PPP1R9A: variants seen among roughly 807,000 people sequenced by gnomAD.
The protein encoded by PPP1R9A is neurabin-1.
In PPP1R9A, 59 loss-of-function variants were observed where a neutral mutation model predicts 141.9. The observed-to-expected ratio is 0.42, with a 90% confidence interval of 0.34 to 0.52. PPP1R9A has a LOEUF of 0.52. Among genes scored for constraint, PPP1R9A ranks in the 20% least tolerant of loss-of-function variants. The pLI, the probability that PPP1R9A is intolerant of heterozygous loss-of-function variation, is 0.10. For missense variants in PPP1R9A, 1,444 were observed against 1,611.9 expected (o/e 0.90, Z 1.78); for synonymous variants, 500 against 569.7 (o/e 0.88, Z 1.74).
At chr7:95,181,102 T>C (rs899985026) in intron 5 of PPP1R9A, among the ~76,000 whole-genome samples, 2 of 150,428 alleles carry the variant, frequency 1.3e-5, no homozygotes, top group African/African-American at 4.9e-5. Context: ...AGTTCACAAC[T>C]GCAACATCAT....
At chr7:95,284,634 A>G (rs1282347660) in intron 17 of PPP1R9A, among the ~76,000 whole-genome samples, 1 of 152,222 alleles carries the variant, frequency 6.6e-6, no homozygotes, top group African/African-American at 2.4e-5. Flanking sequence ...TTTGGGACTG[A>G]ATACGAGTTC....
At chr7:95,182,501 A>G (rs1477070796) in intron 5 of PPP1R9A, among the ~76,000 whole-genome samples, 1 of 152,136 alleles carries the variant, frequency 6.6e-6, no homozygotes, top group Non-Finnish European at 1.5e-5. Context: ...AAACCTCAAA[A>G]TGTTTTTACT....
intron 2 of PPP1R9A, among the ~76,000 whole-genome samples, chr7:94,929,168 C>T (rs1165180305): frequency 6.6e-6 from 1 of 152,202 alleles, no homozygotes; most frequent in Non-Finnish European, 1.5e-5. Context: ...TCTAAGAGAG[C>T]ATCTTTTTGT....
chr7:95,172,169 G>A (rs1832215063), intron 5 of PPP1R9A, among the ~76,000 whole-genome samples: 1 of 151,570 alleles, frequency 6.6e-6, no homozygotes, highest in Admixed American at 6.6e-5. Flanking sequence ...AAGACCTAAT[G>A]CTTTTCTCTT....
chr7:94,966,337 G>C (rs971644129), intron 2 of PPP1R9A, among the ~76,000 whole-genome samples: 5 of 152,032 alleles, frequency 3.3e-5, no homozygotes, highest in Admixed American at 2.0e-4. Context: ...GCCCTGGCCA[G>C]AACTTCCAAT....
intron 2 of PPP1R9A, among the ~76,000 whole-genome samples, chr7:95,106,008 A>G (rs2152422287): frequency 6.6e-6 from 1 of 152,290 alleles, no homozygotes; most frequent in East Asian, 1.9e-4. Context: ...TAATCCCAGT[A>G]CTTTGGGAGA....
chr7:95,111,212 G>A (rs528438096), intron 2 of PPP1R9A, 47 bp from the exon 3 acceptor site: 13 of 1,253,826 alleles, frequency 1.0e-5, no homozygotes, highest in African/African-American at 1.6e-5. Flanking sequence ...TACCTGGCAG[G>A]TTTTTTTTTT....
intron 5 of PPP1R9A, among the ~76,000 whole-genome samples, chr7:95,168,772 T>TA (rs2152741809): frequency 6.6e-6 from 1 of 152,064 alleles, no homozygotes; most frequent in Admixed American, 6.6e-5. Context: ...AAATGACTGA[T>TA]ATATGTGAAG....
At chr7:95,102,013 A>G (rs1422811896) in intron 2 of PPP1R9A, among the ~76,000 whole-genome samples, 1 of 152,120 alleles carries the variant, frequency 6.6e-6, no homozygotes, top group Non-Finnish European at 1.5e-5. Flanking sequence ...AAAGTAGCTT[A>G]TGGATATTAT....
chr7:95,111,468 T>G (rs1820551093), intron 3 of PPP1R9A, 77 bp downstream of exon 3: 2 of 1,359,108 alleles, frequency 1.5e-6, no homozygotes, highest in South Asian at 3.1e-5. Flanking sequence ...AAATGTAGCC[T>G]TTTTTCTAAG....
chr7:94,992,659 C>A (rs985578546), intron 2 of PPP1R9A, among the ~76,000 whole-genome samples: 1 of 152,030 alleles, frequency 6.6e-6, no homozygotes, highest in African/African-American at 2.4e-5. Context: ...TAAATTTTAG[C>A]CATTGTAATA....
At chr7:94,940,117 G>A (rs1192028628) in intron 2 of PPP1R9A, among the ~76,000 whole-genome samples, 1 of 151,978 alleles carries the variant, frequency 6.6e-6, no homozygotes, top group Non-Finnish European at 1.5e-5. Context: ...AATCATGATG[G>A]CTATTATTAA....
At chr7:95,003,226 A>G (rs1316284110) in intron 2 of PPP1R9A, among the ~76,000 whole-genome samples, 2 of 152,168 alleles carry the variant, frequency 1.3e-5, no homozygotes, top group Non-Finnish European at 2.9e-5. Context: ...TTCAGTCATC[A>G]GATTCAAGCC....
intron 12 of PPP1R9A, 114 bp from the exon 13 acceptor site, chr7:95,268,436 C>T (rs1353932027): frequency 1.7e-6 from 2 of 1,158,244 alleles, no homozygotes; most frequent in African/African-American, 3.1e-5. Flanking sequence ...TCATGGTGGT[C>T]ACCTGATCCT....
chr7:95,131,560 G>A (rs755743036), intron 4 of PPP1R9A, among the ~76,000 whole-genome samples: 2 of 151,856 alleles, frequency 1.3e-5, no homozygotes, highest in African/African-American at 4.8e-5. Context: ...GTTGGGCAAC[G>A]TGATGCCTCC....
At chr7:94,972,409 AT>A (rs59867967) in intron 2 of PPP1R9A, among the ~76,000 whole-genome samples, 289 of 143,556 alleles carry the variant, frequency 2.0e-3, no homozygotes, top group Middle Eastern at 3.6e-3. Flanking sequence ...GTTAGGACCA[AT>A]TTTTTTTTTT....
At chr7:95,178,926 A>G (rs1179296858) in intron 5 of PPP1R9A, among the ~76,000 whole-genome samples, 4 of 152,190 alleles carry the variant, frequency 2.6e-5, no homozygotes, top group Non-Finnish European at 5.9e-5. Context: ...AGAGAGATTC[A>G]CAGCAGAATT....
chr7:95,103,362 CTTTTTTTTTTTT>C (rs897838647), intron 2 of PPP1R9A, among the ~76,000 whole-genome samples: 3 of 88,816 alleles, frequency 3.4e-5, no homozygotes, highest in African/African-American at 1.4e-4. Flanking sequence ...TTTTTCACTT[CTTTTTTTTTTTT>C]TTTTTTGAGA....
intron 2 of PPP1R9A, among the ~76,000 whole-genome samples, chr7:94,949,540 A>G (rs1481111044): frequency 1.3e-5 from 2 of 152,148 alleles, no homozygotes; most frequent in African/African-American, 2.4e-5. Flanking sequence ...TTTACCCAAA[A>G]TAGAAGGCTA....
Sources: gnomAD v4.1 joint callset for allele counts (sites outside exome capture counted in the v4.1 genomes callset) on GRCh38, gnomAD v4.1.1 for gene constraint, MANE v1.5 for transcripts, NCBI Gene and HGNC (gene_info 2026-07-23, HGNC 2026-07-21) for gene names.